Variants in ORC3 observed in about 807,000 individuals in gnomAD.
The protein encoded by ORC3 is origin recognition complex subunit 3.
In ORC3, 78 loss-of-function variants were observed where a neutral mutation model predicts 100.7. The observed-to-expected ratio is 0.77, with a 90% CI of 0.65 to 0.94. ORC3 has a LOEUF of 0.94. Among genes scored for constraint, ORC3 ranks in the 40% least tolerant of loss-of-function variants. The pLI, the probability that ORC3 is intolerant of heterozygous loss-of-function variation, is 0.00. For missense variants in ORC3, 789 were observed against 823.9 expected (o/e 0.96, Z 0.52); for synonymous variants, 295 against 289.3 (o/e 1.02, Z -0.20).
chr6:87,650,646 A>G (rs1420775467), intron 13 of ORC3, among the ~76,000 whole-genome samples: 1 of 152,204 alleles, frequency 6.6e-6, no homozygotes, highest in African/African-American at 2.4e-5. Context: ...TTTACATTAA[A>G]CAAGAGAATA....
Position 87,626,230 on chromosome 6 carries a change from T to C in ORC3, c.1185+4217T>C, listed in dbSNP as rs190274396. ...TTTTCCAGTTCTGTGAAGAAAGTCATTGGTAGCTTGATGGGGATGGCATTG... is the reference window on the plus strand; with the variant it reads ...TTTTCCAGTTCTGTGAAGAAAGTCACTGGTAGCTTGATGGGGATGGCATTG... On this transcript the variant is annotated intron_variant, in intron 11 of 19. Coordinates refer to ENST00000392844, the MANE Select transcript of ORC3 (RefSeq NM_012381.4). 2.5e-3 allele frequency among the ~76,000 whole-genome samples: 379 copies of C among 152,316 alleles called. 1 individual carries two copies. The highest frequency in any genetic ancestry group is 8.8e-3 in the African/African-American group (367 of 41,570).
chr6:87,625,827 C>T (rs983426437), intron 11 of ORC3, among the ~76,000 whole-genome samples: 1 of 152,172 alleles, frequency 6.6e-6, no homozygotes, highest in Admixed American at 6.5e-5. Context: ...TTAGGTCTTA[C>T]ATTTAAGTCT....
chr6:87,672,339 CTTA>C (rs1402552422), downstream of ORC3, among the ~76,000 whole-genome samples: 1 of 152,058 alleles, frequency 6.6e-6, no homozygotes, highest in Non-Finnish European at 1.5e-5. Flanking sequence ...TAATAACATG[CTTA>C]TTATGCTTTT....
intron 2 of ORC3, chr6:87,594,711 A>G (rs556096871): frequency 1.0e-5 from 3 of 300,006 alleles, no homozygotes; most frequent in Non-Finnish European, 1.6e-5. Context: ...TTTATCTACA[A>G]CTTTAGAAAT....
intron 13 of ORC3, among the ~76,000 whole-genome samples, chr6:87,638,913 TG>T (rs1049981929): frequency 1.3e-5 from 2 of 151,928 alleles, no homozygotes; most frequent in African/African-American, 4.8e-5. Context: ...TCAGTAATGA[TG>T]GGGATACCAA....
chr6:87,674,826 T>C, the ORC3 span, among the ~76,000 whole-genome samples: 2 of 151,806 alleles, frequency 1.3e-5, no homozygotes, highest in South Asian at 4.2e-4. Flanking sequence ...ACTCAAATCT[T>C]AGAAAATTAA....
chr6:87,607,400 C>T (rs1562327439), intron 5 of ORC3, among the ~76,000 whole-genome samples: 1 of 151,374 alleles, frequency 6.6e-6, no homozygotes, highest in Non-Finnish European at 1.5e-5. Context: ...CACTGTACTC[C>T]AGCCTGGGCA....
At chr6:87,632,362 A>G (rs1255796874) in intron 11 of ORC3, among the ~76,000 whole-genome samples, 2 of 151,930 alleles carry the variant, frequency 1.3e-5, no homozygotes, top group Non-Finnish European at 2.9e-5. Context: ...TAGGTTCTAA[A>G]GTCAGCACAT....
Position 87,651,475 on chromosome 6 carries a change from C to G in ORC3, c.1383-1641C>G. 8 of 309,752 alleles carry G rather than the reference C, an allele frequency of 2.6e-5. 1 individual carries two copies. Among genetic ancestry groups the G allele is most frequent in the South Asian group, 2.2e-4 (8 of 35,846 alleles). 19.2% of individuals were successfully genotyped at this position (309,752 alleles called of 1,614,324 possible). A position where few individuals can be genotyped will look rare whatever the true frequency, so the allele number is the denominator to read the frequency against. On this transcript the variant is annotated intron_variant, in intron 13 of 19. Transcript: ENST00000392844. ...ACTCTATCTGGGCAATAGAAAGCCA[C>G]AAATTTTAAATCTCAACTGTAATCA...
chr6:87,611,781 GAA>G (rs1262893551), intron 7 of ORC3, among the ~76,000 whole-genome samples: 1 of 135,834 alleles, frequency 7.4e-6, no homozygotes, highest in African/African-American at 2.7e-5. Flanking sequence ...GACTCCATCT[GAA>G]AAAAAAAAAA....
At chr6:87,623,330 A>G (rs1779660694) in intron 11 of ORC3, among the ~76,000 whole-genome samples, 1 of 152,238 alleles carries the variant, frequency 6.6e-6, no homozygotes, top group Admixed American at 6.5e-5. Context: ...AGAGCAGTAT[A>G]GGAGGTTCTC....
rs1213134647 is a variant in ORC3 at position 87,653,157 on chromosome 6, G to A, written c.1424G>A (p.Cys475Tyr). The change falls in exon 14 of 20, where the codon TGT becomes TAT. Residue 475 changes from cysteine to tyrosine, a missense_variant. This residue lies in a region of ORC3 where 366 missense variants were observed against 394.2 expected (regional missense o/e 0.93). Coordinates refer to ENST00000392844, the MANE Select transcript of ORC3 (RefSeq NM_012381.4). ...GAACTGATGACCATACTTGAGAAAT[G>A]TTTCAAGGTTTTTAAGTCTTATTGT... Reference protein sequence around the residue: ...KDELMTILEKCFKVFKSYCEN... With the variant: ...KDELMTILEKYFKVFKSYCEN... 6.2e-7 allele frequency: 1 copy of A among 1,613,418 alleles called. No individual in the cohort carries two copies. The highest frequency in any genetic ancestry group is 8.5e-7 in the Non-Finnish European group (1 of 1,179,496).
At chr6:87,604,388 G>T (rs1778184834) in intron 4 of ORC3, among the ~76,000 whole-genome samples, 1 of 152,164 alleles carries the variant, frequency 6.6e-6, no homozygotes, top group African/African-American at 2.4e-5. Flanking sequence ...ACCAGCTGAT[G>T]CCCATAGTCC....
At position 87,612,174 on chromosome 6, in the gene ORC3, G is replaced by C; in HGVS notation, c.799G>C (p.Val267Leu). ...CATCCACCGATTGCTTCCTCATGCAGTATCATCTCTATTGTGCATAGAACT... is the reference window on the plus strand; with the variant it reads ...CATCCACCGATTGCTTCCTCATGCACTATCATCTCTATTGTGCATAGAACT... ...IIIHRLLPHA[V>L]SSLLCIELFQ... The change falls in exon 8 of 20, where the codon GTA becomes CTA. Residue 267 changes from valine to leucine, a missense_variant. Physicochemically the swap from Val to Leu is conservative, Grantham distance 32 (BLOSUM62 1). Coordinates refer to ENST00000392844, the MANE Select transcript of ORC3 (RefSeq NM_012381.4). 6.2e-7 allele frequency: 1 copy of C among 1,613,214 alleles called. No individual in the cohort carries two copies. The highest frequency in any genetic ancestry group is 8.5e-7 in the Non-Finnish European group (1 of 1,179,352).
the ORC3 span, among the ~76,000 whole-genome samples, chr6:87,676,842 C>T: frequency 6.7e-6 from 1 of 150,352 alleles, no homozygotes; most frequent in African/African-American, 2.4e-5. Flanking sequence ...TTTGAGAGGC[C>T]AAGGCGGGCA....
At chr6:87,591,783 G>A (rs908642259) in intron 1 of ORC3, among the ~76,000 whole-genome samples, 1 of 151,946 alleles carries the variant, frequency 6.6e-6, no homozygotes, top group Non-Finnish European at 1.5e-5. Flanking sequence ...CCAGGCTGGA[G>A]TGCAGTGGCG....
intron 13 of ORC3, among the ~76,000 whole-genome samples, chr6:87,646,715 T>C (rs35946241): frequency 0.058 from 8,836 of 152,314 alleles, 310 homozygotes; most frequent in African/African-American, 0.099. Flanking sequence ...TATGCTCCTT[T>C]ACATTCTCCT....
intron 14 of ORC3, 57 bp from the exon 15 acceptor site, chr6:87,656,849 G>A: frequency 1.7e-6 from 2 of 1,172,976 alleles, no homozygotes; most frequent in Non-Finnish European, 1.2e-6. Flanking sequence ...AGAAATGTTT[G>A]TTCCCTTGAC....
intron 6 of ORC3, among the ~76,000 whole-genome samples, chr6:87,608,132 CA>C (rs1469627855): frequency 1.3e-5 from 2 of 152,298 alleles, no homozygotes; most frequent in East Asian, 3.9e-4. Flanking sequence ...ATCTCTGTGA[CA>C]GTAACTATAA....
Sources: allele counts gnomAD v4.1 joint callset (sites outside exome capture counted in the v4.1 genomes callset), GRCh38; gene constraint gnomAD v4.1.1; regional missense constraint gnomAD v4.1.1; transcripts MANE v1.5; gene names NCBI Gene and HGNC (gene_info 2026-07-23, HGNC 2026-07-21).